The following ITSN1 variants were observed in gnomAD, a reference collection of about 807,000 sequenced individuals.
ITSN1 encodes the protein intersectin-1.
ITSN1 carries 58 observed loss-of-function variants against 239.8 expected under a neutral mutation model. The observed-to-expected ratio is 0.24, with a 90% CI of 0.20 to 0.30. ITSN1 has a LOEUF of 0.30. ITSN1 is among the 10% of genes least tolerant of loss of function. The pLI is 1.00. For missense variants in ITSN1, 1,558 were observed against 2,103.3 expected (o/e 0.74, Z 5.07); for synonymous variants, 780 against 770.8 (o/e 1.01, Z -0.20).
At chr21:33,886,500 G>C (rs1985823424) in intron 39 of ITSN1, 40 bp downstream of exon 39, 2 of 1,484,384 alleles carry the variant, frequency 1.3e-6, no homozygotes, top group East Asian at 2.4e-5. Flanking sequence ...CTCCTTCCCT[G>C]GCACTCGTTT....
intron 1 of ITSN1, among the ~76,000 whole-genome samples, chr21:33,672,286 TAAC>T (rs1161677356): frequency 6.6e-6 from 1 of 152,104 alleles, no homozygotes; most frequent in Non-Finnish European, 1.5e-5. Flanking sequence ...TTAAAAATCA[TAAC>T]AAAATCAGTT....
At chr21:33,654,501 T>TG (rs1480299263) in intron 1 of ITSN1, among the ~76,000 whole-genome samples, 2 of 152,148 alleles carry the variant, frequency 1.3e-5, no homozygotes, top group Non-Finnish European at 2.9e-5. Flanking sequence ...TGAGAACCTT[T>TG]GGAATGTATA....
chr21:33,650,929 A>G (rs2146117014), intron 1 of ITSN1, among the ~76,000 whole-genome samples: 1 of 152,326 alleles, frequency 6.6e-6, no homozygotes, highest in Non-Finnish European at 1.5e-5. Context: ...AGATACAGTT[A>G]TTACAATTGT....
intron 16 of ITSN1, among the ~76,000 whole-genome samples, chr21:33,783,625 AAAAAG>A (rs1224645965): frequency 6.6e-6 from 1 of 152,174 alleles, no homozygotes; most frequent in Non-Finnish European, 1.5e-5. Flanking sequence ...CAAAAAAACA[AAAAAG>A]AATAAGTTCA....
At chr21:33,657,961 G>C (rs1247103750) in intron 1 of ITSN1, among the ~76,000 whole-genome samples, 1 of 152,108 alleles carries the variant, frequency 6.6e-6, no homozygotes, top group Non-Finnish European at 1.5e-5. Flanking sequence ...ACTCCAGCCT[G>C]AGCGACAGAG....
rs772652065 is a variant in ITSN1 at position 33,892,163 on chromosome 21, A to C, written c.*3863A>C. ...CTATGCCAGAAAGTGAGATGAAAAC[A>C]AAGGCACCTGGATTGCTTTGTTTTG... On this transcript the variant is annotated 3_prime_UTR_variant, in exon 40 of 40. Coordinates refer to ENST00000381318, the MANE Select transcript of ITSN1 (RefSeq NM_003024.3). 7 of 152,222 alleles carry C rather than the reference A, an allele frequency of 4.6e-5. No individual in the cohort carries two copies. The highest frequency in any genetic ancestry group is 8.8e-5 in the Non-Finnish European group (6 of 68,032). 9.4% of individuals were successfully genotyped at this position (152,222 alleles called of 1,614,324 possible).
In ITSN1 at chr21:33,806,732, G is replaced by A. The variant is rs76845572; in HGVS notation, c.2320-4243G>A. ...CCCCCAAATACGTTGGGGTGTTACA[G>A]TGTGCCTGATAAATGAAATTGTATT... On this transcript the variant is annotated intron_variant, in intron 20 of 39. Coordinates refer to ENST00000381318, the MANE Select transcript of ITSN1 (RefSeq NM_003024.3). Among the ~76,000 whole-genome samples the A allele has an allele frequency of 2.3e-3, 349 of 152,340 alleles. 3 individuals are homozygous for A. The highest frequency in any genetic ancestry group is 7.7e-3 in the African/African-American group (322 of 41,574).
intron 1 of ITSN1, among the ~76,000 whole-genome samples, chr21:33,687,838 A>G (rs954135560): frequency 5.9e-5 from 9 of 152,362 alleles, no homozygotes; most frequent in Middle Eastern, 3.4e-3. Context: ...AGTAAATAAA[A>G]TAAACATGCG....
chr21:33,717,769 G>A (rs1031571889), intron 1 of ITSN1, among the ~76,000 whole-genome samples: 5 of 151,984 alleles, frequency 3.3e-5, no homozygotes, highest in East Asian at 1.9e-4. Context: ...GGGTTTTACC[G>A]TGTTAGCTAG....
At chr21:33,702,229 CA>C (rs145639167) in intron 1 of ITSN1, among the ~76,000 whole-genome samples, 151,670 of 151,670 alleles carry the variant, frequency 1, 75,835 homozygotes, top group Non-Finnish European at 1. Context: ...GATTCCCCTG[CA>C]CTCAGCCTCC....
At chr21:33,758,283 C>G (rs2068061254) in intron 8 of ITSN1, among the ~76,000 whole-genome samples, 1 of 152,078 alleles carries the variant, frequency 6.6e-6, no homozygotes, top group African/African-American at 2.4e-5. Flanking sequence ...CCACCATGCC[C>G]AGCTAATTTT....
At chr21:33,759,181 T>C (rs1337701168) in intron 8 of ITSN1, among the ~76,000 whole-genome samples, 1 of 152,230 alleles carries the variant, frequency 6.6e-6, no homozygotes, top group African/African-American at 2.4e-5. Context: ...CCATATATCA[T>C]GCTTATATCA....
At chr21:33,679,658 T>C (rs2090811218) in intron 1 of ITSN1, among the ~76,000 whole-genome samples, 2 of 151,872 alleles carry the variant, frequency 1.3e-5, no homozygotes, top group Admixed American at 1.3e-4. Context: ...TTATTAAATT[T>C]AGCAGTCCTC....
At chr21:33,772,403 C>A in intron 12 of ITSN1, 80 bp downstream of exon 12, 1 of 1,465,768 alleles carries the variant, frequency 6.8e-7, no homozygotes, top group Non-Finnish European at 9.2e-7. Flanking sequence ...TCTATTCACG[C>A]CATCTTTGTC....
intron 20 of ITSN1, among the ~76,000 whole-genome samples, chr21:33,806,341 G>T (rs1441784862): frequency 6.6e-6 from 1 of 152,130 alleles, no homozygotes; most frequent in Non-Finnish European, 1.5e-5. Flanking sequence ...ACTGTCAGCT[G>T]GTCTGAATAC....
rs1012809735 is a variant in ITSN1, at chr21:33,885,686, GT to G, written c.4843+173del. ...CTTGTTAAAAACCTGGAGGTTTTGT[GT>G]TTTTTTTTCCATCCTTTCTACCATT... On this transcript the variant is annotated intron_variant, in intron 38 of 39. Transcript: ENST00000381318. Among the ~76,000 whole-genome samples the G allele has an allele frequency of 6.5e-4, 98 of 151,444 alleles. 2 individuals carry two copies. The highest frequency in any genetic ancestry group is 2.2e-3 in the African/African-American group (89 of 41,266).
At chr21:33,740,302 A>G (rs1403972110) in intron 5 of ITSN1, among the ~76,000 whole-genome samples, 3 of 152,194 alleles carry the variant, frequency 2.0e-5, no homozygotes, top group Non-Finnish European at 2.9e-5. Flanking sequence ...AGCATGTCTT[A>G]GGGGCAAGCT....
chr21:33,874,427 G>A (rs760026256), intron 33 of ITSN1, among the ~76,000 whole-genome samples: 3 of 152,138 alleles, frequency 2.0e-5, no homozygotes, highest in Non-Finnish European at 4.4e-5. Flanking sequence ...CATAGACTGC[G>A]CTGTCCCTGC....
intron 1 of ITSN1, among the ~76,000 whole-genome samples, chr21:33,709,901 A>G (rs7277684): frequency 0.94 from 142,652 of 151,998 alleles, 67,475 homozygotes; most frequent in East Asian, 1. Flanking sequence ...AGTAATCTCC[A>G]TATCAGTGTT....
Sources: allele counts gnomAD v4.1 joint callset (sites outside exome capture counted in the v4.1 genomes callset), GRCh38; gene constraint gnomAD v4.1.1; transcripts MANE v1.5; gene names NCBI Gene and HGNC (gene_info 2026-07-23, HGNC 2026-07-21).